The following TMEM108 variants were observed in gnomAD, a reference collection of about 807,000 sequenced individuals.
The protein encoded by TMEM108 is transmembrane protein 108, also known as cancer/testis antigen 124.
Under a neutral mutation model 35.1 loss-of-function variants are expected in TMEM108, and 12 were observed. The observed-to-expected ratio is 0.34, with a 90% CI of 0.22 to 0.55. TMEM108 has a LOEUF of 0.55. TMEM108 is among the 20% of genes least tolerant of loss of function. The pLI, the probability that TMEM108 is intolerant of heterozygous loss-of-function variation, is 0.89. For synonymous variants in TMEM108, 287 were observed against 308.6 expected, an observed-to-expected ratio of 0.93 and a Z score of 0.73; for missense variants, 680 against 753.3, an observed-to-expected ratio of 0.90 and a Z score of 1.14.
intron 3 of TMEM108, among the ~76,000 whole-genome samples, chr3:133,310,496 TCTGTTTTATCAGAGA>T (rs1417655446): frequency 6.7e-6 from 1 of 149,492 alleles, no homozygotes. Context: ...TGGTTTAAAG[TCTGTTTTATCAGAGA>T]CTAGGATTGC....
At chr3:133,099,627 C>T (rs900401387) in intron 2 of TMEM108, among the ~76,000 whole-genome samples, 3 of 152,160 alleles carry the variant, frequency 2.0e-5, no homozygotes, top group African/African-American at 7.2e-5. Context: ...TTAGAAGTTT[C>T]TTCCCCCAGA....
intron 3 of TMEM108, among the ~76,000 whole-genome samples, chr3:133,363,897 C>G (rs936897259): frequency 9.9e-5 from 15 of 152,196 alleles, no homozygotes; most frequent in Admixed American, 7.2e-4. Context: ...TTGTTTCATA[C>G]TAAGTCTTTG....
At chr3:133,280,615 A>G (rs1471850832) in intron 3 of TMEM108, among the ~76,000 whole-genome samples, 1 of 152,208 alleles carries the variant, frequency 6.6e-6, no homozygotes, top group Non-Finnish European at 1.5e-5. Context: ...AAAGGGATCT[A>G]TATCAGTTAG....
chr3:133,173,812 G>T (rs776916293), intron 2 of TMEM108, among the ~76,000 whole-genome samples: 49 of 152,310 alleles, frequency 3.2e-4, no homozygotes, highest in South Asian at 2.5e-3. Flanking sequence ...GAGGTACCGG[G>T]TTCATCTCAC....
chr3:133,186,058 G>A (rs780619441), intron 2 of TMEM108, among the ~76,000 whole-genome samples: 2 of 150,168 alleles, frequency 1.3e-5, no homozygotes, highest in South Asian at 2.1e-4. Flanking sequence ...ATGAGCCACC[G>A]TGCCCAGCTG....
At chr3:133,100,949 T>C (rs1944079644) in intron 2 of TMEM108, among the ~76,000 whole-genome samples, 1 of 152,162 alleles carries the variant, frequency 6.6e-6, no homozygotes, top group Admixed American at 6.5e-5. Flanking sequence ...GTATAATAAC[T>C]GATTTTTAGA....
chr3:133,244,585 A>C (rs1174883255), intron 3 of TMEM108, among the ~76,000 whole-genome samples: 1 of 152,210 alleles, frequency 6.6e-6, no homozygotes, highest in Non-Finnish European at 1.5e-5. Flanking sequence ...CATAATGATA[A>C]ATGAGTATGA....
intron 4 of TMEM108, among the ~76,000 whole-genome samples, chr3:133,389,922 A>T (rs2073209515): frequency 6.6e-6 from 1 of 151,854 alleles, no homozygotes; most frequent in Non-Finnish European, 1.5e-5. Flanking sequence ...TTTTTTGATG[A>T]TGATGATGAT....
chr3:133,392,388 C>T (rs889818123), intron 5 of TMEM108, among the ~76,000 whole-genome samples: 1 of 152,148 alleles, frequency 6.6e-6, no homozygotes, highest in African/African-American at 2.4e-5. Flanking sequence ...GTCTCGACCT[C>T]CTCACCTCAA....
chr3:133,313,758 T>G (rs1031800759), intron 3 of TMEM108, among the ~76,000 whole-genome samples: 7 of 152,126 alleles, frequency 4.6e-5, no homozygotes, highest in African/African-American at 7.2e-5. Context: ...ATTTAGTAAG[T>G]CCTCCGACTT....
intron 1 of TMEM108, among the ~76,000 whole-genome samples, chr3:133,039,307 G>A (rs1401654186): frequency 6.6e-6 from 1 of 152,116 alleles, no homozygotes; most frequent in Non-Finnish European, 1.5e-5. Flanking sequence ...GGTTTTTCTG[G>A]GGGTACCCAG....
intron 2 of TMEM108, among the ~76,000 whole-genome samples, chr3:133,169,443 A>G (rs1945095500): frequency 6.6e-6 from 1 of 152,208 alleles, no homozygotes; most frequent in Non-Finnish European, 1.5e-5. Flanking sequence ...GTTGTTCATT[A>G]TTTTATTCCT....
At chr3:133,147,214 A>G (rs890575487) in intron 2 of TMEM108, among the ~76,000 whole-genome samples, 22 of 152,018 alleles carry the variant, frequency 1.4e-4, no homozygotes, top group Admixed American at 4.6e-4. Flanking sequence ...TAATTTTGTT[A>G]TTTACTCAGT....
chr3:133,213,168 C>G (rs1304758069), intron 2 of TMEM108, among the ~76,000 whole-genome samples: 1 of 152,176 alleles, frequency 6.6e-6, no homozygotes, highest in East Asian at 1.9e-4. Flanking sequence ...TCTGTTTTCC[C>G]AGTTCTGTCT....
chr3:133,188,184 A>G (rs1228451649), intron 2 of TMEM108, among the ~76,000 whole-genome samples: 2 of 152,084 alleles, frequency 1.3e-5, no homozygotes, highest in Non-Finnish European at 1.5e-5. Flanking sequence ...CTGACATTTA[A>G]TTTTCTTGGA....
At chr3:133,243,681 C>T (rs1313800650) in intron 3 of TMEM108, among the ~76,000 whole-genome samples, 3 of 152,028 alleles carry the variant, frequency 2.0e-5, no homozygotes, top group African/African-American at 4.8e-5. Flanking sequence ...CCACCACGCC[C>T]GGCTAATTTT....
chr3:133,113,786 T>C (rs1057174429), intron 2 of TMEM108, among the ~76,000 whole-genome samples: 16 of 152,160 alleles, frequency 1.1e-4, no homozygotes, highest in Admixed American at 1.3e-4. Flanking sequence ...GAACTGGCTC[T>C]GTATTGTTTG....
At chr3:133,098,684 A>T (rs1944048324) in intron 2 of TMEM108, among the ~76,000 whole-genome samples, 2 of 152,172 alleles carry the variant, frequency 1.3e-5, no homozygotes, top group Non-Finnish European at 2.9e-5. Context: ...ATTGGCCAAA[A>T]CAAAGGGGTT....
rs139140255 is a variant in TMEM108, at chr3:133,049,137, C to T, written c.-47+3117C>T. On this transcript the variant is annotated intron_variant, in intron 2 of 5. Transcript: ENST00000321871. Reference sequence around the variant, plus strand: ...CTGTGTGTGTTTATGATGGGGAGGGCGCAGATAAAGTATTTTTCCAGGTGG... The same window carrying T: ...CTGTGTGTGTTTATGATGGGGAGGGTGCAGATAAAGTATTTTTCCAGGTGG... Among the ~76,000 whole-genome samples, 13 of 152,148 alleles carry T rather than the reference C, an allele frequency of 8.5e-5. No homozygotes were observed. The South Asian group carries it at 1.0e-3, about 12-fold the overall frequency.
Sources: allele counts gnomAD v4.1 joint callset (sites outside exome capture counted in the v4.1 genomes callset), GRCh38; gene constraint gnomAD v4.1.1; transcripts MANE v1.5; gene names NCBI Gene and HGNC (gene_info 2026-07-23, HGNC 2026-07-21).